ZRANB3: variants seen among roughly 807,000 people sequenced by gnomAD.
ZRANB3 encodes the protein DNA annealing helicase and endonuclease ZRANB3.
ZRANB3 carries 125 observed loss-of-function variants against 133.8 expected under a neutral mutation model. The observed-to-expected ratio is 0.93, with a 90% CI of 0.81 to 1.08. The LOEUF is 1.08. ZRANB3 is among the 50% of genes least tolerant of loss of function. ZRANB3 has a pLI of 0.00. For synonymous variants in ZRANB3, 387 were observed against 432.7 expected (o/e 0.89, Z 1.31); for missense variants, 1,229 against 1,275.5 (o/e 0.96, Z 0.56).
intron 3 of ZRANB3, among the ~76,000 whole-genome samples, chr2:135,379,265 T>C (rs982944309): frequency 3.9e-5 from 6 of 152,234 alleles, no homozygotes; most frequent in African/African-American, 1.4e-4. Flanking sequence ...GTGACACTGA[T>C]TTAAAGGACT....
chr2:135,236,605 G>A (rs1183647591), intron 12 of ZRANB3, among the ~76,000 whole-genome samples: 3 of 151,994 alleles, frequency 2.0e-5, no homozygotes, highest in Non-Finnish European at 4.4e-5. Flanking sequence ...AGACCAATGG[G>A]ACAGAACAGA....
chr2:135,230,685 T>C lies in ZRANB3; in HGVS notation c.1782A>G (p.Pro594=), dbSNP rs1694967514. The change falls in exon 13 of 21, where the codon CCA becomes CCG. Residue 594 remains proline (P), a synonymous_variant. Coordinates refer to ENST00000264159, the MANE Select transcript of ZRANB3 (RefSeq NM_032143.4). ...GAGTTCGGATTTGCTTGGACTGGGATGGTGTCTCTTCCGACGGACTGCAGT... is the reference window on the plus strand; with the variant it reads ...GAGTTCGGATTTGCTTGGACTGGGACGGTGTCTCTTCCGACGGACTGCAGT... ...EDHCSPSEET[P]SQSKQIRTPL... 1 of 1,613,186 alleles carries C rather than the reference T, an allele frequency of 6.2e-7. No homozygotes were observed. The highest frequency in any genetic ancestry group is 8.5e-7 in the Non-Finnish European group (1 of 1,179,670).
chr2:135,215,190 T>C (rs1694254274), intron 17 of ZRANB3, among the ~76,000 whole-genome samples: 1 of 152,232 alleles, frequency 6.6e-6, no homozygotes, highest in African/African-American at 2.4e-5. Flanking sequence ...AGTGCTAGGA[T>C]TACAGGTGTG....
intron 8 of ZRANB3, among the ~76,000 whole-genome samples, chr2:135,280,225 C>A (rs527239822): frequency 1.3e-5 from 2 of 152,024 alleles, no homozygotes; most frequent in Non-Finnish European, 2.9e-5. Context: ...GCCTGTTAGT[C>A]GAAGATCTAA....
intron 2 of ZRANB3, among the ~76,000 whole-genome samples, chr2:135,463,574 C>T (rs765310115): frequency 2.0e-5 from 3 of 152,034 alleles, no homozygotes; most frequent in Non-Finnish European, 4.4e-5. Context: ...CCTGCCACCA[C>T]GCCCGGCTAA....
rs1177438717 is a variant in ZRANB3, at chr2:135,245,926, C to CAAAAA, written c.1540-15004_1540-15000dup. Among the ~76,000 whole-genome samples, 168 of 19,550 alleles carry CAAAAA rather than the reference C, an allele frequency of 8.6e-3. 28 individuals carry two copies. In the East Asian group the frequency reaches 0.16, roughly 19 times the overall value. The allele number at this position is 19,550 out of a possible 152,430, so 12.8% of individuals were successfully genotyped here. ...GGGCAACGAGATTGAAACTCCGTCT[C>CAAAAA]AAAAAAAAAAAAAAAAAAAAAAGAG... On this transcript the variant is annotated intron_variant, in intron 12 of 20. Coordinates refer to ENST00000264159, the MANE Select transcript of ZRANB3 (RefSeq NM_032143.4).
intron 2 of ZRANB3, among the ~76,000 whole-genome samples, chr2:135,471,726 C>A (rs1691280402): frequency 6.6e-6 from 1 of 152,248 alleles, no homozygotes; most frequent in East Asian, 1.9e-4. Flanking sequence ...CTCGATAGTA[C>A]ATCAAACATT....
intron 2 of ZRANB3, among the ~76,000 whole-genome samples, chr2:135,425,364 T>C (rs773057225): frequency 6.6e-6 from 1 of 152,124 alleles, no homozygotes; most frequent in Non-Finnish European, 1.5e-5. Context: ...TGTCTGAAAG[T>C]ATTGAGAAGA....
chr2:135,419,159 G>A (rs1249281891), intron 2 of ZRANB3, among the ~76,000 whole-genome samples: 2 of 151,212 alleles, frequency 1.3e-5, no homozygotes, highest in African/African-American at 2.4e-5. Flanking sequence ...GGATGTTCTC[G>A]ATCTCCTGAC....
rs776512867 is a variant in ZRANB3, at chr2:135,271,903, A to G, written c.1087-16T>C. 1 of 1,605,376 alleles carries G rather than the reference A, an allele frequency of 6.2e-7. No individual in the cohort carries two copies. The highest frequency in any genetic ancestry group is 1.1e-5 in the South Asian group (1 of 88,562). Reference sequence around the variant, plus strand: ...TGTAACGAGTCTAGCATCAACAAGGAAAACGGCAAAATTAGGACAAGGCCC... The same window carrying G: ...TGTAACGAGTCTAGCATCAACAAGGGAAACGGCAAAATTAGGACAAGGCCC... On this transcript the variant is annotated splice_polypyrimidine_tract_variant and intron_variant, in intron 9 of 20. Coordinates refer to ENST00000264159, the MANE Select transcript of ZRANB3 (RefSeq NM_032143.4).
intron 8 of ZRANB3, among the ~76,000 whole-genome samples, chr2:135,283,331 C>T (rs943495125): frequency 6.6e-6 from 1 of 151,712 alleles, no homozygotes; most frequent in Non-Finnish European, 1.5e-5. Context: ...TGAATTCAGG[C>T]CAGGCACGGT....
intron 12 of ZRANB3, among the ~76,000 whole-genome samples, chr2:135,247,775 G>T (rs912524639): frequency 4.6e-5 from 7 of 152,164 alleles, no homozygotes; most frequent in Non-Finnish European, 8.8e-5. Context: ...GTCCTGAGGG[G>T]AGGGGCTAGT....
At chr2:135,466,878 T>C (rs761167145) in intron 2 of ZRANB3, among the ~76,000 whole-genome samples, 1 of 152,080 alleles carries the variant, frequency 6.6e-6, no homozygotes, top group Non-Finnish European at 1.5e-5. Context: ...GGTTTCACCA[T>C]GTTGCCCAGG....
At chr2:135,352,284 A>G (rs1293249741) in intron 4 of ZRANB3, among the ~76,000 whole-genome samples, 1 of 151,862 alleles carries the variant, frequency 6.6e-6, no homozygotes, top group Admixed American at 6.6e-5. Flanking sequence ...GTGAGCCGAC[A>G]TGGTGCCACT....
At chr2:135,418,923 CTCTTTTTTT>C (rs1558986942) in intron 2 of ZRANB3, among the ~76,000 whole-genome samples, 1 of 114,326 alleles carries the variant, frequency 8.7e-6, no homozygotes, top group East Asian at 3.4e-4. Context: ...TAAGGATTCT[CTCTTTTTTT>C]TTTTTTTTTT....
intron 2 of ZRANB3, among the ~76,000 whole-genome samples, chr2:135,438,840 A>T (rs981514944): frequency 6.6e-6 from 1 of 152,184 alleles, no homozygotes; most frequent in African/African-American, 2.4e-5. Context: ...GAGGCCAGAC[A>T]GAGCACTGGG....
intron 2 of ZRANB3, among the ~76,000 whole-genome samples, chr2:135,503,748 C>T (rs1224109158): frequency 6.6e-6 from 1 of 151,902 alleles, no homozygotes; most frequent in East Asian, 1.9e-4. Context: ...TCACTTGAGC[C>T]CAGGAGTTCA....
chr2:135,392,355 A>AAAGG (rs764736324), intron 2 of ZRANB3, among the ~76,000 whole-genome samples: 1 of 81,974 alleles, frequency 1.2e-5, no homozygotes, highest in Non-Finnish European at 2.6e-5. Context: ...AAAAAAAAAA[A>AAAGG]GGGGGGGGGG....
chr2:135,468,984 T>G (rs1206360560), intron 2 of ZRANB3, among the ~76,000 whole-genome samples: 1 of 152,138 alleles, frequency 6.6e-6, no homozygotes, highest in Non-Finnish European at 1.5e-5. Context: ...CCATACACGT[T>G]AAAGTATTAA....
Sources: gnomAD v4.1 joint callset for allele counts (sites outside exome capture counted in the v4.1 genomes callset) on GRCh38, gnomAD v4.1.1 for gene constraint, MANE v1.5 for transcripts, NCBI Gene and HGNC (gene_info 2026-07-23, HGNC 2026-07-21) for gene names.